Variants in SOX5 observed in about 807,000 individuals in gnomAD.
SOX5 encodes the protein SRY-box transcription factor 5.
In SOX5, 9 loss-of-function variants were observed where a neutral mutation model predicts 92.0. That is an observed-to-expected ratio of 0.10 (90% CI 0.06 to 0.17). The LOEUF is 0.17. Ranked by LOEUF, SOX5 falls within the 10% of genes least tolerant of loss-of-function variation. The probability of loss-of-function intolerance (pLI) is 1.00; values close to 1 mark genes in which losing one functional copy is unlikely to be tolerated. For synonymous variants in SOX5, 344 were observed against 336.3 expected, an observed-to-expected ratio of 1.02 and a Z score of -0.25; for missense variants, 642 against 944.5, an observed-to-expected ratio of 0.68 and a Z score of 4.20.
At chr12:24,012,691 G>C (rs1198007971) in intron 4 of SOX5, among the ~76,000 whole-genome samples, 2 of 151,718 alleles carry the variant, frequency 1.3e-5, no homozygotes, top group East Asian at 3.9e-4. Flanking sequence ...AATTGCTTTA[G>C]GATGAGAAAT....
At chr12:23,808,000 T>C (rs1273716749) in intron 3 of SOX5, among the ~76,000 whole-genome samples, 1 of 152,066 alleles carries the variant, frequency 6.6e-6, no homozygotes, top group African/African-American at 2.4e-5. Flanking sequence ...GTTAGAGTAG[T>C]CCTAAGAAAC....
chr12:23,539,643 G>A (rs1479799548), intron 13 of SOX5, among the ~76,000 whole-genome samples: 1 of 151,512 alleles, frequency 6.6e-6, no homozygotes. Flanking sequence ...ATGCGTGTAT[G>A]TAAAGAAATG....
At chr12:24,086,889 T>C (rs1944058092) in intron 4 of SOX5, among the ~76,000 whole-genome samples, 1 of 152,098 alleles carries the variant, frequency 6.6e-6, no homozygotes. Context: ...ATTATGTTCA[T>C]TTACTCGAAT....
intron 1 of SOX5, among the ~76,000 whole-genome samples, chr12:23,934,311 T>C (rs768448279): frequency 3.3e-5 from 5 of 151,050 alleles, no homozygotes; most frequent in Non-Finnish European, 5.9e-5. Flanking sequence ...GTTTTAGAAA[T>C]TCTCTTCCCC....
chr12:24,124,431 G>A (rs1477271881), intron 4 of SOX5, among the ~76,000 whole-genome samples: 2 of 152,124 alleles, frequency 1.3e-5, no homozygotes, highest in East Asian at 3.9e-4. Flanking sequence ...AAAGTCAAAT[G>A]CTTGGGACAC....
At chr12:24,390,734 G>T (rs1372687921) in intron 1 of SOX5, among the ~76,000 whole-genome samples, 5 of 152,018 alleles carry the variant, frequency 3.3e-5, no homozygotes, top group African/African-American at 9.7e-5. Context: ...TCATGTTGCT[G>T]CAAAAGATAG....
chr12:24,552,881 A>T (rs1268318801), intron 1 of SOX5, among the ~76,000 whole-genome samples: 1 of 152,150 alleles, frequency 6.6e-6, no homozygotes, highest in Non-Finnish European at 1.5e-5. Context: ...ATTTAAAGCA[A>T]ATTAGCTGGG....
rs3112131 is a variant in SOX5, at chr12:24,541,460, C to G, written c.-251+20869G>C. Among the ~76,000 whole-genome samples, 352 of 152,066 alleles carry G rather than the reference C, an allele frequency of 2.3e-3. 2 individuals carry two copies. Among genetic ancestry groups the G allele is most frequent in the African/African-American group, 6.8e-3 (282 of 41,374 alleles). On this transcript the variant is annotated intron_variant, in intron 1 of 4. Coordinates refer to the SOX5 transcript ENST00000446891. ...AGTTGTTTCATCAATATGACTATGA[C>G]AATGGGACTCAATACTATTTAATCG...
In SOX5 at chr12:23,940,327, T is replaced by G. The variant is rs575307826; in HGVS notation, c.38+9237A>C. Among the ~76,000 whole-genome samples the G allele has an allele frequency of 4.6e-5, 7 of 151,294 alleles. No homozygotes were observed. The South Asian group carries it at 6.2e-4, about 13-fold the overall frequency. On this transcript the variant is annotated intron_variant, in intron 1 of 14. Transcript: ENST00000451604. The stretch of plus-strand genomic sequence containing the variant: ...ACATGGTATTTAGATTAAAAACTCC[T>G]AAGAGACACCATGGCTGCTTGTTCC...
At chr12:23,874,257 T>C (rs1166247676) in intron 2 of SOX5, among the ~76,000 whole-genome samples, 3 of 152,200 alleles carry the variant, frequency 2.0e-5, no homozygotes, top group African/African-American at 7.2e-5. Flanking sequence ...TAAAAATAAA[T>C]TCTAACATTC....
At chr12:23,736,184 G>A (rs370530609) in intron 5 of SOX5, among the ~76,000 whole-genome samples, 10 of 151,888 alleles carry the variant, frequency 6.6e-5, no homozygotes, top group Non-Finnish European at 1.0e-4. Context: ...TCTCTTGGCC[G>A]GGTGTGGTGG....
At chr12:24,018,772 T>C (rs1223373959) in intron 4 of SOX5, among the ~76,000 whole-genome samples, 1 of 152,026 alleles carries the variant, frequency 6.6e-6, no homozygotes, top group Non-Finnish European at 1.5e-5. Flanking sequence ...CACTCCAGCC[T>C]GGGCAACAGA....
chr12:24,107,998 A>G (rs10734732), intron 4 of SOX5, among the ~76,000 whole-genome samples: 117,598 of 152,106 alleles, frequency 0.77, 46,202 homozygotes, highest in East Asian at 1. Context: ...ATCAAGTCAG[A>G]TGTTAATTTT....
At chr12:24,263,547 A>AC (rs1455599315) in intron 3 of SOX5, among the ~76,000 whole-genome samples, 2 of 144,934 alleles carry the variant, frequency 1.4e-5, no homozygotes, top group South Asian at 2.1e-4. Flanking sequence ...AAAACAAAAA[A>AC]AAAAACAAAA....
At chr12:23,590,036 T>C (rs528199980) in intron 9 of SOX5, among the ~76,000 whole-genome samples, 1 of 152,148 alleles carries the variant, frequency 6.6e-6, no homozygotes, top group East Asian at 1.9e-4. Flanking sequence ...CAGCAAATTC[T>C]ATTTAGAATT....
intron 6 of SOX5, among the ~76,000 whole-genome samples, chr12:23,723,473 T>G (rs572098371): frequency 6.6e-6 from 1 of 151,912 alleles, no homozygotes; most frequent in South Asian, 2.1e-4. Flanking sequence ...GGTATGGATG[T>G]AGGTATTCGC....
chr12:23,933,082 T>A (rs1360219967), intron 1 of SOX5, among the ~76,000 whole-genome samples: 2 of 151,712 alleles, frequency 1.3e-5, no homozygotes, highest in Non-Finnish European at 3.0e-5. Context: ...CCCTTTTACA[T>A]AGTTTTGCTT....
At chr12:23,977,449 C>T (rs935113029) in intron 4 of SOX5, among the ~76,000 whole-genome samples, 2 of 152,120 alleles carry the variant, frequency 1.3e-5, no homozygotes, top group Admixed American at 1.3e-4. Context: ...GTTGGCAAAT[C>T]TCTTGAGGCC....
chr12:24,164,406 T>G (rs1953142219), intron 4 of SOX5, among the ~76,000 whole-genome samples: 1 of 152,058 alleles, frequency 6.6e-6, no homozygotes, highest in South Asian at 2.1e-4. Context: ...TTCTCACTCC[T>G]AGGCATGTAA....
Sources: gnomAD v4.1 joint callset for allele counts (sites outside exome capture counted in the v4.1 genomes callset) on GRCh38, gnomAD v4.1.1 for gene constraint, MANE v1.5 for transcripts, NCBI Gene and HGNC (gene_info 2026-07-23, HGNC 2026-07-21) for gene names.